NCOR1: variants seen among roughly 807,000 people sequenced by gnomAD.
NCOR1 encodes the protein protein phosphatase 1, regulatory subunit 109.
In NCOR1, 63 loss-of-function variants were observed where a neutral mutation model predicts 288.1. The observed-to-expected ratio is 0.22, with a 90% CI of 0.18 to 0.27. The LOEUF (loss-of-function observed/expected upper bound fraction) is 0.27. Among genes scored for constraint, NCOR1 ranks in the 10% least tolerant of loss-of-function variants. NCOR1 has a pLI of 1.00. For synonymous variants in NCOR1, 1,007 were observed against 1,065.9 expected, an observed-to-expected ratio of 0.94 and a Z score of 1.08; for missense variants, 2,397 against 3,019.2, an observed-to-expected ratio of 0.79 and a Z score of 4.83.
chr17:16,102,950 A>T (rs977741504), intron 19 of NCOR1, among the ~76,000 whole-genome samples: 1 of 152,260 alleles, frequency 6.6e-6, no homozygotes, highest in African/African-American at 2.4e-5. Flanking sequence ...ACAAGTGTCT[A>T]GCGGCTACCA....
At chr17:16,215,172 C>A (rs1278323125) in intron 1 of NCOR1, among the ~76,000 whole-genome samples, 190 bp downstream of exon 1, 1 of 152,208 alleles carries the variant, frequency 6.6e-6, no homozygotes, top group African/African-American at 2.4e-5. Context: ...CCCCGCCGCG[C>A]CCGGCTCTCT....
chr17:16,041,817 A>G (rs972774116), intron 42 of NCOR1, among the ~76,000 whole-genome samples: 8 of 151,998 alleles, frequency 5.3e-5, no homozygotes, highest in East Asian at 1.9e-4. Context: ...GCTCACTGCA[A>G]GCTCTGCCTC....
In NCOR1 at chr17:16,092,026, T is replaced by G; in HGVS notation, c.2853A>C (p.Gly951=). Residue 951 remains glycine, a synonymous_variant, in exon 22 of 46, where the codon GGA becomes GGC. Coordinates refer to ENST00000268712, the MANE Select transcript of NCOR1 (RefSeq NM_006311.4). The stretch of plus-strand genomic sequence containing the variant: ...AGAGAGCATAGCCGCTCACTGGGGT[T>G]CCAATTGGTATGTTACATGGGGTGC... The part of the protein sequence containing the change: ...VSCTPCNIPI[G]TPVSGYALYQ... The G allele has an allele frequency of 6.2e-7, 1 of 1,614,148 alleles. No individual in the cohort carries two copies. Among genetic ancestry groups the G allele is most frequent in the Non-Finnish European group, 8.5e-7 (1 of 1,180,042 alleles).
chr17:16,044,168 C>CAAAAAAAAAA (rs34691717), intron 42 of NCOR1, among the ~76,000 whole-genome samples: 1 of 82,768 alleles, frequency 1.2e-5, no homozygotes, highest in Non-Finnish European at 2.3e-5. Flanking sequence ...GACTCCATCT[C>CAAAAAAAAAA]AAAAAAAAAA....
At chr17:16,124,465 T>C (rs972453584) in intron 15 of NCOR1, among the ~76,000 whole-genome samples, 3 of 152,200 alleles carry the variant, frequency 2.0e-5, no homozygotes, top group South Asian at 2.1e-4. Flanking sequence ...TACATCACAA[T>C]TGTGATAATA....
At chr17:16,109,041 T>C in intron 18 of NCOR1, 129 bp from the exon 19 acceptor site, 1 of 759,470 alleles carries the variant, frequency 1.3e-6, no homozygotes, top group East Asian at 3.2e-5. Flanking sequence ...TTGACAATAG[T>C]TCTGGTTAAA....
intron 14 of NCOR1, among the ~76,000 whole-genome samples, chr17:16,131,154 GC>G (rs2075574102): frequency 6.6e-6 from 1 of 151,692 alleles, no homozygotes; most frequent in South Asian, 2.1e-4. Context: ...ACTGTGCCAG[GC>G]TAATTTTTTA....
At position 16,171,693 on chromosome 17, in the gene NCOR1, A is replaced by T. The variant is rs912291279; in HGVS notation, c.435+110T>A. The T allele has an allele frequency of 9.0e-6, 9 of 1,004,884 alleles. No homozygotes were observed. The African/African-American group carries it at 1.5e-4, about 17-fold the overall frequency. 62.2% of individuals were successfully genotyped at this position (1,004,884 alleles called of 1,614,324 possible). On this transcript the variant is annotated intron_variant, in intron 4 of 45. Transcript: ENST00000268712. ...AAAATTTTTACTTTCCCATACCACT[A>T]ACCTTTAGAGACTGGTGTAACTGGA...
intron 39 of NCOR1, 29 bp downstream of exon 39, chr17:16,057,878 T>C (rs200495529): frequency 6.4e-7 from 1 of 1,555,768 alleles, no homozygotes. Context: ...AAAAGAAAAA[T>C]TAACTAATAA....
chr17:16,212,102 T>C (rs1600663213), intron 1 of NCOR1, among the ~76,000 whole-genome samples: 1 of 151,692 alleles, frequency 6.6e-6, no homozygotes, highest in Admixed American at 6.6e-5. Flanking sequence ...ACGTCTCTAC[T>C]AAAAATACAA....
Position 16,078,578 on chromosome 17 carries a change from GA to G in NCOR1, c.3501+1385del, listed in dbSNP as rs2062895591. 7.1e-5 allele frequency among the ~76,000 whole-genome samples: 8 copies of G among 112,328 alleles called. No homozygotes were observed. The South Asian group carries it at 2.1e-3, about 29-fold the overall frequency. The allele number at this position is 112,328 out of a possible 152,430, so 73.7% of individuals were successfully genotyped here. ...AACACACTGACCCAATATAAATGGA[GA>G]CTTTTTTTTTTTTTGAGACGGAGTC... On this transcript the variant is annotated intron_variant, in intron 26 of 45. Coordinates refer to ENST00000268712, the MANE Select transcript of NCOR1 (RefSeq NM_006311.4).
intron 35 of NCOR1, among the ~76,000 whole-genome samples, chr17:16,062,737 G>T (rs2060673231): frequency 6.6e-6 from 1 of 152,138 alleles, no homozygotes; most frequent in Non-Finnish European, 1.5e-5. Context: ...ACCACAGTTT[G>T]CCCTGCTTCA....
chr17:16,136,203 G>T (rs2076370370), intron 14 of NCOR1, among the ~76,000 whole-genome samples: 1 of 151,678 alleles, frequency 6.6e-6, no homozygotes. Flanking sequence ...TTATTTTTTG[G>T]AGACAGAGGT....
rs1274215884 is a variant in NCOR1 at position 16,032,093 on chromosome 17, C to G, written c.*203G>C. The G allele has an allele frequency of 1.8e-6, 1 of 541,778 alleles. No homozygotes were observed. The highest frequency in any genetic ancestry group is 3.1e-6 in the Non-Finnish European group (1 of 317,968). 33.6% of individuals were successfully genotyped at this position (541,778 alleles called of 1,614,324 possible). ...TTATAGTCCACTGAATTGCCTGTAT[C>G]AAAGGCAGTTTTTTGTTTGTTTTTT... On this transcript the variant is annotated 3_prime_UTR_variant, in exon 46 of 46. Coordinates refer to ENST00000268712, the MANE Select transcript of NCOR1 (RefSeq NM_006311.4).
At chr17:16,128,861 C>A (rs2075167527) in intron 14 of NCOR1, among the ~76,000 whole-genome samples, 1 of 152,196 alleles carries the variant, frequency 6.6e-6, no homozygotes, top group Non-Finnish European at 1.5e-5. Context: ...ATGCCTCCTT[C>A]TAATCCAAGG....
chr17:16,151,596 A>C, intron 8 of NCOR1: 1 of 1,337,670 alleles, frequency 7.5e-7, no homozygotes, highest in Non-Finnish European at 9.9e-7. Context: ...TTACTTCATC[A>C]TGCGCCTTGC....
intron 37 of NCOR1, among the ~76,000 whole-genome samples, chr17:16,059,049 CAAAAAA>C (rs57820388): frequency 2.9e-4 from 5 of 17,444 alleles, no homozygotes; most frequent in African/African-American, 5.6e-4. Context: ...AACTCCGTCT[CAAAAAA>C]AAAAAAAAAA....
chr17:16,067,825 C>T (rs529190275), intron 32 of NCOR1, 69 bp downstream of exon 32: 54 of 1,414,360 alleles, frequency 3.8e-5, no homozygotes, highest in Non-Finnish European at 4.8e-5. Context: ...TGTACAACAA[C>T]AGAAAGCTGA....
chr17:16,109,010 C>CA, intron 18 of NCOR1, 98 bp from the exon 19 acceptor site: 1 of 917,376 alleles, frequency 1.1e-6, no homozygotes, highest in Non-Finnish European at 1.5e-6. Flanking sequence ...CACACACACA[C>CA]CAGACAAGGA....
Sources: allele counts gnomAD v4.1 joint callset (sites outside exome capture counted in the v4.1 genomes callset), GRCh38; gene constraint gnomAD v4.1.1; transcripts MANE v1.5; gene names NCBI Gene and HGNC (gene_info 2026-07-23, HGNC 2026-07-21).